IPCEF1: variants seen among roughly 807,000 people sequenced by gnomAD.
The protein encoded by IPCEF1 is interaction protein for cytohesin exchange factors 1.
In IPCEF1, 31 loss-of-function variants were observed where a neutral mutation model predicts 50.9. The ratio of observed to expected loss-of-function variants is 0.61; its 90% CI spans 0.46 to 0.82. IPCEF1 has a LOEUF of 0.82. Among genes scored for constraint, IPCEF1 ranks in the 40% least tolerant of loss-of-function variants. The probability of loss-of-function intolerance (pLI) is 0.00; values close to 1 mark genes in which losing one functional copy is unlikely to be tolerated. For missense variants in IPCEF1, 458 were observed against 514.0 expected (o/e 0.89, Z 1.05); for synonymous variants, 181 against 192.0 (o/e 0.94, Z 0.47).
chr6:154,245,906 A>T (rs1183942886), intron 5 of IPCEF1, among the ~76,000 whole-genome samples: 2 of 152,256 alleles, frequency 1.3e-5, no homozygotes, highest in East Asian at 1.9e-4. Context: ...AGCCATTTTC[A>T]AAAGAAAACT....
intron 11 of IPCEF1, among the ~76,000 whole-genome samples, chr6:154,167,675 T>C (rs1420134196): frequency 6.6e-6 from 1 of 152,176 alleles, no homozygotes; most frequent in East Asian, 1.9e-4. Flanking sequence ...AAATTTGAAA[T>C]TTTATATCAG....
chr6:154,215,842 GA>G (rs1778351207), intron 7 of IPCEF1, among the ~76,000 whole-genome samples: 1 of 151,994 alleles, frequency 6.6e-6, no homozygotes, highest in Non-Finnish European at 1.5e-5. Context: ...AATTTACAGA[GA>G]AATCAAATAG....
Position 154,167,933 on chromosome 6 carries a change from T to C in IPCEF1, c.1091A>G (p.Asn364Ser). The change falls in exon 11 of 12, where the codon AAT (asparagine) becomes AGT (serine). Residue 364 changes from asparagine (N) to serine (S), a missense_variant. Coordinates refer to ENST00000367220, the MANE Select transcript of IPCEF1 (RefSeq NM_001130700.2). ...AAATTTTGTTACCTTTAATGTGCTA[T>C]TCAATGTTCGGATTTTGTGGAGTTT... is the stretch of plus-strand genomic sequence containing the variant. The part of the protein sequence containing the change: ...NEKLHKIRTL[N>S]STLKCKEHDL... 1 of 1,595,274 alleles carries C rather than the reference T, an allele frequency of 6.3e-7. No individual in the cohort carries two copies. The highest frequency in any genetic ancestry group is 8.6e-7 in the Non-Finnish European group (1 of 1,164,588).
intron 9 of IPCEF1, among the ~76,000 whole-genome samples, chr6:154,207,297 A>C (rs1777582305): frequency 6.6e-6 from 1 of 152,244 alleles, no homozygotes; most frequent in Non-Finnish European, 1.5e-5. Context: ...AAAATCAGTT[A>C]GATATTCAAC....
intron 2 of IPCEF1, among the ~76,000 whole-genome samples, chr6:154,274,753 G>A (rs1278980281): frequency 6.6e-6 from 1 of 152,142 alleles, no homozygotes; most frequent in Admixed American, 6.5e-5. Context: ...CCACACCCTG[G>A]CCAATCCTCC....
At chr6:154,278,920 G>C (rs966267258) in intron 2 of IPCEF1, among the ~76,000 whole-genome samples, 27 of 148,818 alleles carry the variant, frequency 1.8e-4, no homozygotes, top group African/African-American at 6.0e-4. Context: ...TTTGAGACCA[G>C]CCTGGGCAAC....
At chr6:154,347,524 C>T (rs1032847561) in intron 1 of IPCEF1, among the ~76,000 whole-genome samples, 1 of 152,226 alleles carries the variant, frequency 6.6e-6, no homozygotes, top group Non-Finnish European at 1.5e-5. Context: ...TACATGTTAC[C>T]TCCATGTGCC....
At chr6:154,309,910 C>T (rs1029940739) in intron 1 of IPCEF1, among the ~76,000 whole-genome samples, 39 of 151,984 alleles carry the variant, frequency 2.6e-4, no homozygotes, top group African/African-American at 9.2e-4. Context: ...ATTACAGGCG[C>T]ATGCCACCAC....
chr6:154,175,749 A>G (rs913052884), intron 10 of IPCEF1, among the ~76,000 whole-genome samples: 1 of 152,210 alleles, frequency 6.6e-6, no homozygotes, highest in Non-Finnish European at 1.5e-5. Context: ...AGGTACAAAG[A>G]GGAGCTGGTA....
intron 10 of IPCEF1, among the ~76,000 whole-genome samples, chr6:154,187,709 T>C (rs911293568): frequency 6.6e-6 from 1 of 152,234 alleles, no homozygotes; most frequent in Admixed American, 6.5e-5. Flanking sequence ...TTAAGGCGAT[T>C]AGAATCTCAG....
chr6:154,187,050 ACT>A (rs1801434884), intron 10 of IPCEF1, among the ~76,000 whole-genome samples: 1 of 150,736 alleles, frequency 6.6e-6, no homozygotes, highest in Non-Finnish European at 1.5e-5. Flanking sequence ...CACACTCCAC[ACT>A]CTGTCTTCCT....
intron 1 of IPCEF1, among the ~76,000 whole-genome samples, chr6:154,354,607 A>C (rs1188013148): frequency 6.8e-6 from 1 of 147,460 alleles, no homozygotes. Context: ...TTCCACCATC[A>C]CCTCCCCTAC....
chr6:154,319,321 G>A (rs913634863), intron 1 of IPCEF1, among the ~76,000 whole-genome samples: 2 of 152,122 alleles, frequency 1.3e-5, no homozygotes, highest in Admixed American at 6.5e-5. Flanking sequence ...TAGTTCTCAT[G>A]TGACTGTTTT....
chr6:154,231,098 CTG>C (rs1779678684), intron 5 of IPCEF1, among the ~76,000 whole-genome samples: 1 of 152,330 alleles, frequency 6.6e-6, no homozygotes, highest in South Asian at 2.1e-4. Flanking sequence ...GGTCTAAACT[CTG>C]AGCTGAGCTG....
In IPCEF1 at chr6:154,305,149, A is replaced by AG. The variant is rs1583969941; in HGVS notation, c.-61-15394_-61-15393insC. Among the ~76,000 whole-genome samples, 9 of 135,440 alleles carry AG rather than the reference A, an allele frequency of 6.6e-5. 1 individual carries two copies. In the East Asian group the frequency reaches 2.0e-3, roughly 30 times the overall value. The allele number at this position is 135,440 out of a possible 152,430, so 88.9% of individuals were successfully genotyped here. On this transcript the variant is annotated intron_variant, in intron 1 of 11. Coordinates refer to ENST00000367220, the MANE Select transcript of IPCEF1 (RefSeq NM_001130700.2). ...AAAAGAAAAGAAAAGAAAGAAAGAA[A>AG]ATATGTGAGAAGACTGTGCCTCCTT...
In IPCEF1 at chr6:154,221,345, C is replaced by A; in HGVS notation, c.321-17G>T. 1 of 1,608,980 alleles carries A rather than the reference C, an allele frequency of 6.2e-7. No homozygotes were observed. Among genetic ancestry groups the A allele is most frequent in the Non-Finnish European group, 8.5e-7 (1 of 1,175,992 alleles). On this transcript the variant is annotated splice_polypyrimidine_tract_variant and intron_variant, in intron 6 of 11. Transcript: ENST00000367220. ...TTAAAAGCACTTGAAGGAGGAAAAGCACAAACACATAAAAAATTAGTGTTT... is the reference window on the plus strand; with the variant it reads ...TTAAAAGCACTTGAAGGAGGAAAAGAACAAACACATAAAAAATTAGTGTTT...
At chr6:154,250,480 A>G (rs890130374) in intron 3 of IPCEF1, among the ~76,000 whole-genome samples, 1 of 152,208 alleles carries the variant, frequency 6.6e-6, no homozygotes, top group African/African-American at 2.4e-5. Context: ...CTTTGAAAAT[A>G]TGTATTTCTT....
intron 5 of IPCEF1, among the ~76,000 whole-genome samples, chr6:154,245,181 G>C (rs1780927635): frequency 6.6e-6 from 1 of 151,980 alleles, no homozygotes; most frequent in Non-Finnish European, 1.5e-5. Context: ...GAGGGGAGAA[G>C]AAAAGAGAGA....
In IPCEF1 at chr6:154,157,779, A is replaced by G. The variant is rs1428285669; in HGVS notation, c.*2049T>C. ...TTGTTGTTCCTTCAATACTCTTTAC[A>G]TTGCCAATCCTAAATAATTTCCCTT... is the stretch of plus-strand genomic sequence containing the variant. On this transcript the variant is annotated 3_prime_UTR_variant, in exon 12 of 12. Transcript: ENST00000367220. 1 of 152,234 alleles carries G rather than the reference A, an allele frequency of 6.6e-6. No homozygotes were observed. The allele number at this position is 152,234 out of a possible 1,614,324, so 9.4% of individuals were successfully genotyped here. A position where few individuals can be genotyped will look rare whatever the true frequency, so the allele number is the denominator to read the frequency against.
Sources: allele counts gnomAD v4.1 joint callset (sites outside exome capture counted in the v4.1 genomes callset), GRCh38; gene constraint gnomAD v4.1.1; transcripts MANE v1.5; gene names NCBI Gene and HGNC (gene_info 2026-07-23, HGNC 2026-07-21).